Variants in SH3GL2 observed in about 807,000 individuals in gnomAD.
SH3GL2 encodes SH3 domain containing GRB2 like 2, endophilin A1.
In SH3GL2, 24 loss-of-function variants were observed where a neutral mutation model predicts 46.0. The observed-to-expected ratio is 0.52, with a 90% confidence interval of 0.38 to 0.73. The LOEUF (loss-of-function observed/expected upper bound fraction) is 0.73, where lower values mean the gene tolerates loss of function less well. Among genes scored for constraint, SH3GL2 ranks in the 30% least tolerant of loss-of-function variants. The pLI, the probability that SH3GL2 is intolerant of heterozygous loss-of-function variation, is 0.00. For synonymous variants in SH3GL2, 196 were observed against 147.1 expected, an observed-to-expected ratio of 1.33 and a Z score of -2.40; for missense variants, 413 against 424.2, an observed-to-expected ratio of 0.97 and a Z score of 0.23.
At chr9:17,745,298 A>C (rs1178224151) in intron 1 of SH3GL2, among the ~76,000 whole-genome samples, 2 of 152,224 alleles carry the variant, frequency 1.3e-5, no homozygotes. Context: ...TTCTTAAAGT[A>C]TGAAATAACA....
rs531299589 is a variant in SH3GL2, at chr9:17,684,392, C to G, written c.46-62674C>G. Among the ~76,000 whole-genome samples the G allele has an allele frequency of 7.9e-5, 12 of 152,076 alleles. No homozygotes were observed. The South Asian group carries it at 2.5e-3, about 32-fold the overall frequency. The stretch of plus-strand genomic sequence containing the variant: ...TGGTCAGAAGAGATTTATGGGAAAT[C>G]TGAAACACAAAGAAAAAAGAGGGTG... On this transcript the variant is annotated intron_variant, in intron 1 of 8. Transcript: ENST00000380607.
intron 8 of SH3GL2, among the ~76,000 whole-genome samples, chr9:17,794,183 A>G (rs1824215273): frequency 6.6e-6 from 1 of 151,938 alleles, no homozygotes; most frequent in Admixed American, 6.6e-5. Flanking sequence ...CTTGCTCTCC[A>G]CTCCTACACG....
At chr9:17,732,851 C>A (rs952909268) in intron 1 of SH3GL2, among the ~76,000 whole-genome samples, 1 of 152,086 alleles carries the variant, frequency 6.6e-6, no homozygotes, top group East Asian at 1.9e-4. Flanking sequence ...TTTTTGCACA[C>A]TGAAGTTGCA....
chr9:17,709,689 A>T lies in SH3GL2; in HGVS notation c.46-37377A>T, dbSNP rs920659164. Among the ~76,000 whole-genome samples, 11 of 141,486 alleles carry T rather than the reference A, an allele frequency of 7.8e-5. No homozygotes were observed. In the East Asian group the frequency reaches 2.2e-3, roughly 28 times the overall value. The allele number at this position is 141,486 out of a possible 152,430, so 92.8% of individuals were successfully genotyped here. On this transcript the variant is annotated intron_variant, in intron 1 of 8. Coordinates refer to ENST00000380607, the MANE Select transcript of SH3GL2 (RefSeq NM_003026.5). ...TTTAACTTATTTGTATTACACACAC[A>T]CACACACACACACACACACACACAC...
At position 17,795,827 on chromosome 9, in the gene SH3GL2, C is replaced by T; in HGVS notation, c.*84C>T. The stretch of plus-strand genomic sequence containing the variant: ...TTTGGCAATGCTGCTTATAACACAT[C>T]CCAAGTGCAGGCCGCAGTGGTCCAC... On this transcript the variant is annotated 3_prime_UTR_variant, in exon 9 of 9. Coordinates refer to ENST00000380607, the MANE Select transcript of SH3GL2 (RefSeq NM_003026.5). 8.7e-7 allele frequency: 1 copy of T among 1,146,282 alleles called. No homozygotes were observed. The highest frequency in any genetic ancestry group is 1.4e-5 in the South Asian group (1 of 69,196). 71.0% of individuals were successfully genotyped at this position (1,146,282 alleles called of 1,614,324 possible). A position where few individuals can be genotyped will look rare whatever the true frequency, so the allele number is the denominator to read the frequency against.
intron 3 of SH3GL2, among the ~76,000 whole-genome samples, chr9:17,778,198 G>T (rs1444497229): frequency 6.6e-6 from 1 of 152,058 alleles, no homozygotes; most frequent in African/African-American, 2.4e-5. Flanking sequence ...AGGTAGCTTT[G>T]ATTTTCTCCA....
At chr9:17,735,494 T>C (rs1244123286) in intron 1 of SH3GL2, among the ~76,000 whole-genome samples, 2 of 151,976 alleles carry the variant, frequency 1.3e-5, no homozygotes, top group Non-Finnish European at 2.9e-5. Flanking sequence ...ACTTGAACTG[T>C]GGGGTCCACT....
At chr9:17,610,353 G>A (rs1818837779) in intron 1 of SH3GL2, among the ~76,000 whole-genome samples, 1 of 152,026 alleles carries the variant, frequency 6.6e-6, no homozygotes, top group Admixed American at 6.5e-5. Flanking sequence ...TGTATTCAGT[G>A]AACACTATGT....
At chr9:17,632,448 C>T (rs1004379547) in intron 1 of SH3GL2, among the ~76,000 whole-genome samples, 1 of 152,126 alleles carries the variant, frequency 6.6e-6, no homozygotes, top group East Asian at 1.9e-4. Context: ...ATATACTATA[C>T]AAATGTCACT....
Position 17,635,839 on chromosome 9 carries a change from T to G in SH3GL2, c.45+56552T>G, listed in dbSNP as rs191890306. Among the ~76,000 whole-genome samples the G allele has an allele frequency of 1.3e-3, 191 of 152,190 alleles. 1 individual carries two copies. The highest frequency in any genetic ancestry group is 3.9e-3 in the African/African-American group (163 of 41,528). Reference sequence around the variant, plus strand: ...ATTTCCTGGTTGCTTCCAACTCAAGTTGAGTATTACAGGAAGGTTTGGAAG... The same window carrying G: ...ATTTCCTGGTTGCTTCCAACTCAAGGTGAGTATTACAGGAAGGTTTGGAAG... On this transcript the variant is annotated intron_variant, in intron 1 of 8. Coordinates refer to ENST00000380607, the MANE Select transcript of SH3GL2 (RefSeq NM_003026.5).
intron 1 of SH3GL2, among the ~76,000 whole-genome samples, chr9:17,690,707 C>G (rs1425804204): frequency 6.6e-6 from 1 of 152,096 alleles, no homozygotes; most frequent in East Asian, 1.9e-4. Context: ...TAGCCCGTCA[C>G]ATTTATTAAG....
At chr9:17,597,458 A>G (rs1228324728) in intron 1 of SH3GL2, among the ~76,000 whole-genome samples, 2 of 152,062 alleles carry the variant, frequency 1.3e-5, no homozygotes, top group Admixed American at 6.6e-5. Flanking sequence ...TGGAGGTTGC[A>G]GTGAGCCAAG....
intron 7 of SH3GL2, 34 bp from the exon 8 acceptor site, chr9:17,793,333 C>A (rs1352485506): frequency 1.3e-6 from 2 of 1,590,396 alleles, no homozygotes; most frequent in Non-Finnish European, 1.7e-6. Flanking sequence ...TAACTGGTTA[C>A]ATAACCTTTC....
intron 1 of SH3GL2, among the ~76,000 whole-genome samples, chr9:17,728,718 A>G (rs1462011391): frequency 1.3e-5 from 2 of 152,150 alleles, no homozygotes; most frequent in Admixed American, 6.5e-5. Context: ...TAGTGAGAAC[A>G]TGCAGTGTTT....
intron 2 of SH3GL2, among the ~76,000 whole-genome samples, chr9:17,753,824 G>A (rs542463667): frequency 6.6e-6 from 1 of 152,140 alleles, no homozygotes; most frequent in Admixed American, 6.5e-5. Context: ...ATACATTTAA[G>A]TCTTTAATCC....
At chr9:17,638,421 T>A (rs1425270137) in intron 1 of SH3GL2, among the ~76,000 whole-genome samples, 1 of 152,174 alleles carries the variant, frequency 6.6e-6, no homozygotes, top group Non-Finnish European at 1.5e-5. Flanking sequence ...TGTATCTTAC[T>A]TACAGTAGAG....
chr9:17,663,559 G>A (rs1487061619), intron 1 of SH3GL2, among the ~76,000 whole-genome samples: 1 of 152,102 alleles, frequency 6.6e-6, no homozygotes, highest in Non-Finnish European at 1.5e-5. Flanking sequence ...GACCACTCAG[G>A]GTTCTGAAAT....
rs184439649 is a variant in SH3GL2, at chr9:17,661,156, C to T, written c.45+81869C>T. ...CAGTCTGGGCAACAGAGTAAGACTC[C>T]GTCTCAAAAAACAAAAACAAAAACA... On this transcript the variant is annotated intron_variant, in intron 1 of 8. Coordinates refer to ENST00000380607, the MANE Select transcript of SH3GL2 (RefSeq NM_003026.5). Among the ~76,000 whole-genome samples the T allele has an allele frequency of 2.9e-3, 446 of 151,778 alleles. 2 individuals carry two copies. Among genetic ancestry groups the T allele is most frequent in the African/African-American group, 0.01 (423 of 41,234 alleles).
At position 17,579,386 on chromosome 9, in the gene SH3GL2, A is replaced by G. The variant is rs1332782239; in HGVS notation, c.45+99A>G. 5.9e-6 allele frequency: 4 copies of G among 679,482 alleles called. No homozygotes were observed. The African/African-American group carries it at 7.6e-5, about 13-fold the overall frequency. 42.1% of individuals were successfully genotyped at this position (679,482 alleles called of 1,614,324 possible). A position where few individuals can be genotyped will look rare whatever the true frequency, so the allele number is the denominator to read the frequency against. ...CCGGCGGCAGCTTGGGGAGTTCGGC[A>G]CCGAGCCTCGCCCGCGCCGGCCGCG... On this transcript the variant is annotated intron_variant, in intron 1 of 8. Transcript: ENST00000380607.
Sources: gnomAD v4.1 joint callset for allele counts (sites outside exome capture counted in the v4.1 genomes callset) on GRCh38, gnomAD v4.1.1 for gene constraint, MANE v1.5 for transcripts, NCBI Gene and HGNC (gene_info 2026-07-23, HGNC 2026-07-21) for gene names.